ARPC1A: variants seen among roughly 807,000 people sequenced by gnomAD.
The protein encoded by ARPC1A is actin-related protein 2/3 complex subunit 1A.
ARPC1A carries 8 observed loss-of-function variants against 46.9 expected under a neutral mutation model. That is an observed-to-expected ratio of 0.17 (90% CI 0.10 to 0.31). The LOEUF (loss-of-function observed/expected upper bound fraction) is 0.31. Among genes scored for constraint, ARPC1A ranks in the 10% least tolerant of loss-of-function variants. The pLI is 1.00. For synonymous variants in ARPC1A, 152 were observed against 169.0 expected, an observed-to-expected ratio of 0.90 and a Z score of 0.78; for missense variants, 286 against 483.6, an observed-to-expected ratio of 0.59 and a Z score of 3.83.
At chr7:99,350,604 A>T (rs1364558231) in intron 5 of ARPC1A, among the ~76,000 whole-genome samples, 1 of 128,560 alleles carries the variant, frequency 7.8e-6, no homozygotes, top group African/African-American at 2.9e-5. Context: ...TGTGTTGACT[A>T]TATGGTAGGT....
chr7:99,353,706 C>T (rs1584384123), intron 5 of ARPC1A, among the ~76,000 whole-genome samples: 1 of 149,660 alleles, frequency 6.7e-6, no homozygotes, highest in East Asian at 2.0e-4. Flanking sequence ...CTCGAACTCC[C>T]GACCTCAGGT....
chr7:99,336,597 G>A (rs1008491189), intron 2 of ARPC1A, among the ~76,000 whole-genome samples: 5 of 147,904 alleles, frequency 3.4e-5, no homozygotes, highest in African/African-American at 7.5e-5. Context: ...ACGATCAAGC[G>A]ATTCTCCTGC....
At position 99,353,996 on chromosome 7, in the gene ARPC1A, A is replaced by G. The variant is rs1386671027; in HGVS notation, c.588A>G (p.Ser196=). The G allele has an allele frequency of 4.3e-6, 7 of 1,614,028 alleles. No homozygotes were observed. The highest frequency in any genetic ancestry group is 5.9e-6 in the Non-Finnish European group (7 of 1,179,884). The change falls in exon 6 of 10, where the codon TCA becomes TCG. Residue 196 remains serine, a synonymous_variant. Transcript: ENST00000262942. ...AGATGCCTTTTGGGCAGCTGATGTC[A>G]GAGTTTGGTGGCAGTGGCACTGGTG... ...GSKMPFGQLM[S]EFGGSGTGGW... is the part of the protein sequence containing the mutation.
chr7:99,344,906 C>A (rs1398166703), intron 4 of ARPC1A, among the ~76,000 whole-genome samples: 2 of 103,976 alleles, frequency 1.9e-5, no homozygotes, highest in Admixed American at 2.1e-4. Context: ...AGGATTCCTA[C>A]AGATAACAAT....
chr7:99,343,157 A>G (rs1043680000), intron 3 of ARPC1A, among the ~76,000 whole-genome samples: 4 of 152,126 alleles, frequency 2.6e-5, no homozygotes, highest in Admixed American at 2.0e-4. Context: ...TTAATGTGAA[A>G]TTATATTTAT....
At chr7:99,358,318 T>G (rs1274700198) in intron 6 of ARPC1A, 22 bp from the exon 7 acceptor site, 1 of 1,607,148 alleles carries the variant, frequency 6.2e-7, no homozygotes, top group South Asian at 1.1e-5. Context: ...CATCTTGGGA[T>G]AACACATGTT....
chr7:99,350,631 C>CTT lies in ARPC1A; in HGVS notation c.500+1703_500+1704dup, dbSNP rs540737612. Reference sequence around the variant, plus strand: ...ATGGTAGGTTGGGAGATGAGGTGCACTTTTTTTTTTTTTTTTTTTTTTTTT... The same window carrying CTT: ...ATGGTAGGTTGGGAGATGAGGTGCACTTTTTTTTTTTTTTTTTTTTTTTTTTT... On this transcript the variant is annotated intron_variant, in intron 5 of 9. Transcript: ENST00000262942. 9.4e-3 allele frequency among the ~76,000 whole-genome samples: 634 copies of CTT among 67,482 alleles called. 95 individuals are homozygous for CTT. Among genetic ancestry groups the CTT allele is most frequent in the Middle Eastern group, 0.031 (2 of 64 alleles). The allele number at this position is 67,482 out of a possible 152,430, so 44.3% of individuals were successfully genotyped here.
intron 1 of ARPC1A, among the ~76,000 whole-genome samples, chr7:99,331,069 T>C (rs377356726): frequency 3.3e-5 from 5 of 152,372 alleles, no homozygotes; most frequent in African/African-American, 1.2e-4. Context: ...AGTTAGCATT[T>C]TGCCACATTC....
chr7:99,354,376 T>G (rs9641253), intron 6 of ARPC1A, among the ~76,000 whole-genome samples: 52,838 of 149,534 alleles, frequency 0.35, 15,402 homozygotes, highest in African/African-American at 0.8. Context: ...AAAAAAATTA[T>G]CCAGGTGTGG....
chr7:99,359,486 G>A (rs764079066), intron 7 of ARPC1A, 59 bp from the exon 8 acceptor site: 1 of 1,535,458 alleles, frequency 6.5e-7, no homozygotes, highest in Non-Finnish European at 9.0e-7. Flanking sequence ...TGAACACTCT[G>A]CCAAGGAGGT....
At chr7:99,331,688 G>A (rs1793146581) in intron 1 of ARPC1A, among the ~76,000 whole-genome samples, 1 of 152,172 alleles carries the variant, frequency 6.6e-6, no homozygotes, top group East Asian at 1.9e-4. Context: ...GGAGGCTGAG[G>A]AGGGCGGGTC....
intron 3 of ARPC1A, among the ~76,000 whole-genome samples, chr7:99,338,685 G>A (rs973709859): frequency 4.0e-5 from 6 of 151,840 alleles, no homozygotes; most frequent in Non-Finnish European, 7.4e-5. Flanking sequence ...CACCTGGCCC[G>A]TAATATTTAA....
intron 3 of ARPC1A, among the ~76,000 whole-genome samples, chr7:99,342,868 G>A (rs1273049598): frequency 2.6e-5 from 4 of 151,532 alleles, no homozygotes; most frequent in Admixed American, 6.6e-5. Flanking sequence ...GACTACACGC[G>A]CCTGTCACCA....
chr7:99,327,573 CG>C (rs1360156034), intron 1 of ARPC1A, among the ~76,000 whole-genome samples: 1 of 151,692 alleles, frequency 6.6e-6, no homozygotes, highest in Non-Finnish European at 1.5e-5. Context: ...CCTCCCACCT[CG>C]ACCTCCCAAA....
chr7:99,325,928 A>G lies in ARPC1A; in HGVS notation c.-106A>G, dbSNP rs1309528095. 1 of 152,418 alleles carries G rather than the reference A, an allele frequency of 6.6e-6. No homozygotes were observed. Among genetic ancestry groups the G allele is most frequent in the Non-Finnish European group, 1.5e-5 (1 of 68,008 alleles). The allele number at this position is 152,418 out of a possible 1,614,324, so 9.4% of individuals were successfully genotyped here. On this transcript the variant is annotated 5_prime_UTR_variant, in exon 1 of 10. Coordinates refer to ENST00000262942, the MANE Select transcript of ARPC1A (RefSeq NM_006409.4). ...GGCTTCCGTCCTCCGCCCGCGCCCG[A>G]CGGAGCCTGTTCGCGTCGACTGCCC... is the stretch of plus-strand genomic sequence containing the variant.
At chr7:99,335,133 T>G (rs752629848) in intron 2 of ARPC1A, among the ~76,000 whole-genome samples, 1 of 151,884 alleles carries the variant, frequency 6.6e-6, no homozygotes, top group Admixed American at 6.6e-5. Context: ...TGTAAGCCAC[T>G]GCGCCCGGCC....
At chr7:99,330,792 A>G (rs1283661787) in intron 1 of ARPC1A, among the ~76,000 whole-genome samples, 1 of 152,186 alleles carries the variant, frequency 6.6e-6, no homozygotes, top group Non-Finnish European at 1.5e-5. Flanking sequence ...AACATGACAC[A>G]TACTTACGTG....
chr7:99,333,452 G>A, intron 2 of ARPC1A, 35 bp downstream of exon 2: 1 of 1,570,606 alleles, frequency 6.4e-7, no homozygotes, highest in Non-Finnish European at 8.7e-7. Flanking sequence ...TTGTATTTTG[G>A]TACCTTTGGT....
intron 3 of ARPC1A, among the ~76,000 whole-genome samples, chr7:99,343,398 G>A (rs1225041742): frequency 7.3e-5 from 11 of 150,084 alleles, no homozygotes; most frequent in Non-Finnish European, 1.0e-4. Context: ...CCCGGGAGGC[G>A]GAGGTTGCAG....
Sources: allele counts gnomAD v4.1 joint callset (sites outside exome capture counted in the v4.1 genomes callset), GRCh38; gene constraint gnomAD v4.1.1; transcripts MANE v1.5; gene names NCBI Gene and HGNC (gene_info 2026-07-23, HGNC 2026-07-21).